The following ASIC2 variants were observed in gnomAD, a reference collection of about 807,000 sequenced individuals.
ASIC2 encodes acid-sensing ion channel 2.
Under a neutral mutation model 57.3 loss-of-function variants are expected in ASIC2, and 25 were observed. The ratio of observed to expected loss-of-function variants is 0.44; its 90% CI spans 0.32 to 0.61. The LOEUF is 0.61. ASIC2 is among the 20% of genes least tolerant of loss of function. The pLI, the probability that ASIC2 is intolerant of heterozygous loss-of-function variation, is 0.06. For synonymous variants in ASIC2, 319 were observed against 307.5 expected (o/e 1.04, Z -0.39); for missense variants, 641 against 738.1 (o/e 0.87, Z 1.52).
intron 3 of ASIC2, among the ~76,000 whole-genome samples, chr17:33,085,608 ATC>A (rs2092131448): frequency 6.6e-6 from 1 of 152,228 alleles, no homozygotes; most frequent in Admixed American, 6.5e-5. Context: ...TTACCACTGT[ATC>A]TCTACCACTT....
intron 1 of ASIC2, among the ~76,000 whole-genome samples, chr17:34,012,705 T>A (rs1053917522): frequency 6.8e-6 from 1 of 146,044 alleles, no homozygotes; most frequent in Non-Finnish European, 1.5e-5. Context: ...GAACTCCTTA[T>A]GGACAGAGAA....
chr17:34,040,365 T>A (rs1908079285), intron 1 of ASIC2, among the ~76,000 whole-genome samples: 1 of 138,958 alleles, frequency 7.2e-6, no homozygotes, highest in Non-Finnish European at 1.5e-5. Context: ...TGAAACCGCG[T>A]GTTTCCTCGC....
chr17:33,288,275 G>T (rs992752447), intron 1 of ASIC2, among the ~76,000 whole-genome samples: 2 of 152,100 alleles, frequency 1.3e-5, no homozygotes, highest in African/African-American at 4.8e-5. Flanking sequence ...TCCAAAGCAG[G>T]AGAAACCCCA....
intron 1 of ASIC2, among the ~76,000 whole-genome samples, chr17:33,606,382 A>C (rs530765456): frequency 6.6e-6 from 1 of 152,138 alleles, no homozygotes; most frequent in African/African-American, 2.4e-5. Context: ...AGAGCATCCA[A>C]ATCACTCCAC....
At chr17:33,642,207 A>AACCCC (rs1906589070) in intron 1 of ASIC2, among the ~76,000 whole-genome samples, 2 of 136,782 alleles carry the variant, frequency 1.5e-5, no homozygotes, top group African/African-American at 2.7e-5. Flanking sequence ...GCAAAAGGAC[A>AACCCC]CCCCCCCCCC....
intron 1 of ASIC2, among the ~76,000 whole-genome samples, chr17:33,159,080 T>C (rs1905091380): frequency 6.6e-6 from 1 of 152,244 alleles, no homozygotes; most frequent in Non-Finnish European, 1.5e-5. Context: ...CAGTGTTGTC[T>C]TGAGTTGCTG....
chr17:33,568,163 A>T (rs1009944621), intron 1 of ASIC2, among the ~76,000 whole-genome samples: 1 of 152,176 alleles, frequency 6.6e-6, no homozygotes, highest in Admixed American at 6.5e-5. Context: ...AATGGGTGCC[A>T]GGGGAGCCCT....
chr17:33,504,747 C>T (rs941554635), intron 1 of ASIC2, among the ~76,000 whole-genome samples: 1 of 152,242 alleles, frequency 6.6e-6, no homozygotes, highest in African/African-American at 2.4e-5. Context: ...GTTTCTTTAT[C>T]ATTACTGCAA....
At chr17:34,026,553 A>G (rs1364340501) in intron 1 of ASIC2, among the ~76,000 whole-genome samples, 1 of 152,158 alleles carries the variant, frequency 6.6e-6, no homozygotes, top group Non-Finnish European at 1.5e-5. Flanking sequence ...TTGTTTTTCT[A>G]CTCACTGCTA....
chr17:33,887,419 T>A (rs987284929), intron 1 of ASIC2, among the ~76,000 whole-genome samples: 1 of 152,134 alleles, frequency 6.6e-6, no homozygotes, highest in African/African-American at 2.4e-5. Context: ...TATTGAGGTA[T>A]CAGGGAAGGC....
In ASIC2 at chr17:33,365,730, C is replaced by T. The variant is rs140176523; in HGVS notation, c.556-253663G>A. On this transcript the variant is annotated intron_variant, in intron 1 of 9. Coordinates refer to the ASIC2 transcript ENST00000359872. ...GGGCCTGATGACTTAAAAAAAAAAC[C>T]TTACTTTATCCCCTTTTTATTTCAT... 6.6e-3 allele frequency among the ~76,000 whole-genome samples: 1,008 copies of T among 152,192 alleles called. 9 individuals are homozygous for T. Among genetic ancestry groups the T allele is most frequent in the African/African-American group, 0.024 (977 of 41,544 alleles).
chr17:34,050,858 G>A (rs1353987280), intron 1 of ASIC2, among the ~76,000 whole-genome samples: 1 of 152,208 alleles, frequency 6.6e-6, no homozygotes, highest in African/African-American at 2.4e-5. Flanking sequence ...GATGTGGATG[G>A]CCAGGGTTTC....
chr17:33,417,908 C>T (rs969133517), intron 1 of ASIC2, among the ~76,000 whole-genome samples: 3 of 152,112 alleles, frequency 2.0e-5, no homozygotes, highest in African/African-American at 7.2e-5. Context: ...AGGGAAGGCC[C>T]GACTAGGCTT....
rs1012933499 is a variant in ASIC2 at position 33,020,694 on chromosome 17, T to C, written c.1441+525A>G. Among the ~76,000 whole-genome samples the C allele has an allele frequency of 7.9e-5, 12 of 152,144 alleles. 1 individual carries two copies. The highest frequency in any genetic ancestry group is 2.9e-4 in the African/African-American group (12 of 41,420). On this transcript the variant is annotated intron_variant, in intron 7 of 9. Transcript: ENST00000225823. ...TACCTGGGGAGAGTGGCCCTTCATTTGTGTTTGACAAATGACTCTCAGTCC... is the reference window on the plus strand; with the variant it reads ...TACCTGGGGAGAGTGGCCCTTCATTCGTGTTTGACAAATGACTCTCAGTCC...
intron 1 of ASIC2, among the ~76,000 whole-genome samples, chr17:33,540,132 T>TG (rs1915361566): frequency 6.6e-6 from 1 of 152,326 alleles, no homozygotes; most frequent in East Asian, 1.9e-4. Context: ...CTGCAGCCTC[T>TG]GAGGGAGCAT....
chr17:33,331,975 T>G (rs911165125), intron 1 of ASIC2, among the ~76,000 whole-genome samples: 14 of 152,258 alleles, frequency 9.2e-5, no homozygotes, highest in African/African-American at 3.4e-4. Context: ...CTGGACCAAC[T>G]GAATCAGGGC....
chr17:33,999,740 G>C (rs1218072543), intron 1 of ASIC2, among the ~76,000 whole-genome samples: 2 of 152,016 alleles, frequency 1.3e-5, no homozygotes, highest in African/African-American at 4.8e-5. Flanking sequence ...TGTAGCTATA[G>C]TTATTTTAAT....
At chr17:34,067,164 C>T (rs1454154128) in intron 1 of ASIC2, among the ~76,000 whole-genome samples, 3 of 152,190 alleles carry the variant, frequency 2.0e-5, no homozygotes. Flanking sequence ...ACCTATTACA[C>T]AGTGGAAAAC....
At position 33,350,815 on chromosome 17, in the gene ASIC2, T is replaced by C. The variant is rs1908139787; in HGVS notation, c.556-238748A>G. ...AGAATCTGATGATCTTTTAGTTTCTTGTTGCAAAAAAAGAAAAAAAAAGCC... is the reference window on the plus strand; with the variant it reads ...AGAATCTGATGATCTTTTAGTTTCTCGTTGCAAAAAAAGAAAAAAAAAGCC... On this transcript the variant is annotated intron_variant, in intron 1 of 9. Transcript: ENST00000359872. Among the ~76,000 whole-genome samples, 4 of 152,186 alleles carry C rather than the reference T, an allele frequency of 2.6e-5. No individual in the cohort carries two copies. In the South Asian group the frequency reaches 8.3e-4, roughly 32 times the overall value.
Sources: allele counts gnomAD v4.1 joint callset (sites outside exome capture counted in the v4.1 genomes callset), GRCh38; gene constraint gnomAD v4.1.1; transcripts MANE v1.5; gene names NCBI Gene and HGNC (gene_info 2026-07-23, HGNC 2026-07-21).